Variants in HMGCLL1 observed in about 807,000 individuals in gnomAD.
HMGCLL1 encodes 3-hydroxymethyl-3-methylglutaryl-CoA lyase, cytoplasmic.
A neutral mutation model predicts 39.1 loss-of-function variants in HMGCLL1; 36 were observed. The ratio of observed to expected loss-of-function variants is 0.92; its 90% CI spans 0.71 to 1.22. The LOEUF (loss-of-function observed/expected upper bound fraction) is 1.22. Among genes scored for constraint, HMGCLL1 ranks in the 50% most tolerant of loss-of-function variants. HMGCLL1 has a pLI of 0.00. For missense variants in HMGCLL1, 451 were observed against 416.5 expected (o/e 1.08, Z -0.72); for synonymous variants, 149 against 144.0 (o/e 1.03, Z -0.25).
upstream of HMGCLL1, among the ~76,000 whole-genome samples, chr6:55,580,450 C>T (rs1771960404): frequency 9.1e-6 from 1 of 110,442 alleles, no homozygotes; most frequent in African/African-American, 3.5e-5. Flanking sequence ...GAGTCTCGCT[C>T]TGTCGCCCAG....
chr6:55,503,551 A>AG (rs67874912), intron 5 of HMGCLL1, among the ~76,000 whole-genome samples: 1 of 151,202 alleles, frequency 6.6e-6, no homozygotes, highest in South Asian at 2.1e-4. Context: ...AGAATGAAAA[A>AG]GGGGGGTCTA....
chr6:55,657,911 T>A, the HMGCLL1 span, among the ~76,000 whole-genome samples: 11 of 150,834 alleles, frequency 7.3e-5, no homozygotes, highest in African/African-American at 2.7e-4. Context: ...TTTTGGAGAG[T>A]GGAAGGTGGA....
At chr6:55,551,460 G>A (rs1309211782) in intron 1 of HMGCLL1, among the ~76,000 whole-genome samples, 1 of 151,890 alleles carries the variant, frequency 6.6e-6, no homozygotes, top group African/African-American at 2.4e-5. Context: ...TTGTAACAAG[G>A]AAGGGCAAGT....
intron 3 of HMGCLL1, among the ~76,000 whole-genome samples, chr6:55,518,196 GTAGT>G (rs1767845575): frequency 6.6e-6 from 1 of 152,148 alleles, no homozygotes; most frequent in African/African-American, 2.4e-5. Context: ...TTGTGCTGAA[GTAGT>G]TAGTAGTATA....
intron 3 of HMGCLL1, 119 bp downstream of exon 3, chr6:55,541,610 A>G: frequency 1.6e-6 from 1 of 610,282 alleles, no homozygotes. Flanking sequence ...TCCACAGGTT[A>G]ATATTTTGAA....
chr6:55,495,373 A>G (rs761479772), intron 7 of HMGCLL1, 46 bp downstream of exon 7: 1 of 1,382,052 alleles, frequency 7.2e-7, no homozygotes, highest in South Asian at 1.3e-5. Flanking sequence ...ACAGATAAAG[A>G]TGAACACCCT....
chr6:55,449,930 T>TA (rs1764010083), intron 7 of HMGCLL1, among the ~76,000 whole-genome samples: 2 of 133,496 alleles, frequency 1.5e-5, no homozygotes, highest in African/African-American at 3.0e-5. Flanking sequence ...ATTTTTTTTT[T>TA]ACTTTAGTTA....
chr6:55,656,262 C>G, the HMGCLL1 span, among the ~76,000 whole-genome samples: 1 of 151,996 alleles, frequency 6.6e-6, no homozygotes, highest in African/African-American at 2.4e-5. Context: ...TCCTCCTAAC[C>G]TAACCCTAAG....
the HMGCLL1 span, among the ~76,000 whole-genome samples, chr6:55,623,066 C>A: frequency 6.6e-6 from 1 of 151,896 alleles, no homozygotes; most frequent in Non-Finnish European, 1.5e-5. Context: ...TCATAATAGT[C>A]TCAATGATTC....
the HMGCLL1 span, among the ~76,000 whole-genome samples, chr6:55,660,337 A>G: frequency 0.016 from 2,484 of 151,798 alleles, 33 homozygotes; most frequent in Non-Finnish European, 0.026. Flanking sequence ...CTAGTACCCA[A>G]TAATTGTTTT....
chr6:55,447,970 G>A (rs556010552), intron 7 of HMGCLL1, among the ~76,000 whole-genome samples: 1 of 152,240 alleles, frequency 6.6e-6, no homozygotes, highest in South Asian at 2.1e-4. Context: ...ACTCCAGGAG[G>A]CAGGGTGTGA....
At chr6:55,604,835 A>G in the HMGCLL1 span, among the ~76,000 whole-genome samples, 1 of 152,226 alleles carries the variant, frequency 6.6e-6, no homozygotes, top group African/African-American at 2.4e-5. Flanking sequence ...CACAGTGGGC[A>G]CTACATTACA....
At chr6:55,539,940 A>AGAAGGAAGGAAGGAAGGAAGGAAG (rs753957303) in intron 3 of HMGCLL1, among the ~76,000 whole-genome samples, 1 of 57,056 alleles carries the variant, frequency 1.8e-5, no homozygotes, top group Non-Finnish European at 3.6e-5. Context: ...GAGGAGGAGG[A>AGAAGGAAGGAAGGAAGGAAGGAAG]GAAGGAAGGA....
chr6:55,532,345 T>C (rs1768731704), intron 3 of HMGCLL1, among the ~76,000 whole-genome samples: 1 of 152,188 alleles, frequency 6.6e-6, no homozygotes, highest in Non-Finnish European at 1.5e-5. Context: ...GCTGACATTA[T>C]TGCTTTCATT....
At chr6:55,546,051 T>C (rs528805954) in intron 1 of HMGCLL1, among the ~76,000 whole-genome samples, 2 of 152,254 alleles carry the variant, frequency 1.3e-5, no homozygotes, top group African/African-American at 4.8e-5. Context: ...TATCTCTCTT[T>C]CTATGGCTGT....
the HMGCLL1 span, among the ~76,000 whole-genome samples, chr6:55,603,135 G>C: frequency 6.6e-6 from 1 of 151,924 alleles, no homozygotes; most frequent in Non-Finnish European, 1.5e-5. Context: ...AATTATTCTC[G>C]TTTCTAAGCA....
At chr6:55,529,737 TA>T in intron 3 of HMGCLL1, among the ~76,000 whole-genome samples, 1 of 152,168 alleles carries the variant, frequency 6.6e-6, no homozygotes, top group East Asian at 1.9e-4. Context: ...ATTTTTTTAT[TA>T]TTTTTTTCCA....
intron 1 of HMGCLL1, among the ~76,000 whole-genome samples, chr6:55,576,861 A>T (rs1235822625): frequency 6.6e-6 from 1 of 152,226 alleles, no homozygotes; most frequent in Admixed American, 6.5e-5. Flanking sequence ...ACATTAATAA[A>T]ATTTTGAAAA....
intron 1 of HMGCLL1, among the ~76,000 whole-genome samples, chr6:55,571,624 T>C (rs1036695410): frequency 2.0e-5 from 3 of 151,458 alleles, no homozygotes; most frequent in African/African-American, 7.3e-5. Flanking sequence ...GCTAATGCGG[T>C]GAAACCCCAT....
Sources: gnomAD v4.1 joint callset for allele counts (sites outside exome capture counted in the v4.1 genomes callset) on GRCh38, gnomAD v4.1.1 for gene constraint, MANE v1.5 for transcripts, NCBI Gene and HGNC (gene_info 2026-07-23, HGNC 2026-07-21) for gene names.